RBFOX1: variants seen among roughly 807,000 people sequenced by gnomAD.
RBFOX1 encodes the protein RNA binding protein fox-1 homolog 1.
Under a neutral mutation model 57.7 loss-of-function variants are expected in RBFOX1, and 8 were observed. That is an observed-to-expected ratio of 0.14 (90% CI 0.08 to 0.25). RBFOX1 has a LOEUF of 0.25. Ranked by LOEUF, RBFOX1 falls within the 10% of genes least tolerant of loss-of-function variation. RBFOX1 has a pLI of 1.00. For synonymous variants in RBFOX1, 326 were observed against 222.4 expected (o/e 1.47, Z -4.15); for missense variants, 611 against 548.5 (o/e 1.11, Z -1.14).
At chr16:7,519,767 G>A (rs574025338) in intron 5 of RBFOX1, 3 of 959,372 alleles carry the variant, frequency 3.1e-6, no homozygotes, top group African/African-American at 3.5e-5. Context: ...GCAAGTATTT[G>A]TGAAGGAGTT....
intron 1 of RBFOX1, among the ~76,000 whole-genome samples, chr16:6,130,405 A>G (rs1010528999): frequency 3.9e-5 from 6 of 152,174 alleles, no homozygotes; most frequent in African/African-American, 1.2e-4. Flanking sequence ...TATAGCTTTA[A>G]AAATAAATGT....
intron 4 of RBFOX1, among the ~76,000 whole-genome samples, chr16:7,308,827 GA>G (rs1212433511): frequency 6.6e-6 from 1 of 152,194 alleles, no homozygotes; most frequent in African/African-American, 2.4e-5. Flanking sequence ...ATAAATTTTG[GA>G]AACATTAGGT....
At chr16:5,870,076 A>T (rs1282577946) in intron 4 of RBFOX1, among the ~76,000 whole-genome samples, 1 of 151,138 alleles carries the variant, frequency 6.6e-6, no homozygotes, top group Non-Finnish European at 1.5e-5. Context: ...GAACAAAAGA[A>T]TGTACCCTCC....
chr16:6,693,030 C>A (rs537695673), intron 3 of RBFOX1, among the ~76,000 whole-genome samples: 1 of 152,012 alleles, frequency 6.6e-6, no homozygotes, highest in South Asian at 2.1e-4. Context: ...TCAACATCAT[C>A]CCCATCCACT....
intron 3 of RBFOX1, among the ~76,000 whole-genome samples, chr16:6,894,067 A>G (rs888989374): frequency 7.9e-5 from 12 of 152,152 alleles, no homozygotes; most frequent in South Asian, 2.1e-4. Flanking sequence ...TACTGGATCA[A>G]TAGATAGATA....
chr16:5,308,374 G>T (rs547147671), intron 1 of RBFOX1, among the ~76,000 whole-genome samples: 1 of 150,996 alleles, frequency 6.6e-6, no homozygotes, highest in Non-Finnish European at 1.5e-5. Flanking sequence ...GCCTTTGTCC[G>T]CTCCCAAGAG....
intron 4 of RBFOX1, among the ~76,000 whole-genome samples, chr16:7,167,960 C>A (rs2079906432): frequency 6.6e-6 from 1 of 152,122 alleles, no homozygotes; most frequent in African/African-American, 2.4e-5. Flanking sequence ...TAGTGAGAGT[C>A]TGTCTTTAAC....
chr16:6,104,403 CA>C (rs1471297192), intron 1 of RBFOX1, among the ~76,000 whole-genome samples: 1 of 152,104 alleles, frequency 6.6e-6, no homozygotes, highest in African/African-American at 2.4e-5. Context: ...AGGTAATATT[CA>C]AAGTAGGTTT....
At chr16:7,003,694 C>T (rs539591825) in intron 3 of RBFOX1, among the ~76,000 whole-genome samples, 6 of 152,136 alleles carry the variant, frequency 3.9e-5, no homozygotes, top group Admixed American at 6.5e-5. Flanking sequence ...TTAGTTGATG[C>T]TGTAATTATT....
At chr16:6,158,360 G>C (rs1336838894) in intron 1 of RBFOX1, among the ~76,000 whole-genome samples, 2 of 152,182 alleles carry the variant, frequency 1.3e-5, no homozygotes, top group Non-Finnish European at 2.9e-5. Flanking sequence ...AAGTTCAGTG[G>C]GGTTCAGCTT....
At chr16:5,930,110 G>T (rs1246755927) in intron 4 of RBFOX1, among the ~76,000 whole-genome samples, 3 of 151,640 alleles carry the variant, frequency 2.0e-5, no homozygotes. Flanking sequence ...TGAATGGAAG[G>T]ATGGGAGACA....
chr16:5,400,361 G>C (rs2066680760), intron 1 of RBFOX1, among the ~76,000 whole-genome samples: 1 of 152,052 alleles, frequency 6.6e-6, no homozygotes, highest in African/African-American at 2.4e-5. Context: ...CCAAAGTGCT[G>C]GGGTTACAGG....
In RBFOX1 at chr16:6,824,658, T is replaced by C. The variant is rs116180662; in HGVS notation, c.-16+170008T>C. ...ATCCATTCCTTATCAAAAGAGGTTCTTGGATTCATCACTCACTACCTTGAA... is the reference window on the plus strand; with the variant it reads ...ATCCATTCCTTATCAAAAGAGGTTCCTGGATTCATCACTCACTACCTTGAA... On this transcript the variant is annotated intron_variant, in intron 3 of 15. Transcript: ENST00000550418. Among the ~76,000 whole-genome samples the C allele has an allele frequency of 2.5e-3, 388 of 152,326 alleles. 4 individuals carry two copies. The highest frequency in any genetic ancestry group is 8.9e-3 in the African/African-American group (371 of 41,580).
chr16:5,491,245 C>T (rs1197470219), intron 2 of RBFOX1, among the ~76,000 whole-genome samples: 3 of 152,164 alleles, frequency 2.0e-5, no homozygotes, highest in Non-Finnish European at 2.9e-5. Flanking sequence ...AGGACGCCAG[C>T]ACCCACTTGA....
intron 2 of RBFOX1, among the ~76,000 whole-genome samples, chr16:6,599,540 G>A (rs1222481187): frequency 6.6e-6 from 1 of 152,166 alleles, no homozygotes; most frequent in Non-Finnish European, 1.5e-5. Flanking sequence ...AGGAACTTCA[G>A]TTCTCAAGCC....
intron 1 of RBFOX1, among the ~76,000 whole-genome samples, chr16:6,244,052 A>G (rs1437652111): frequency 6.6e-6 from 1 of 152,116 alleles, no homozygotes; most frequent in Non-Finnish European, 1.5e-5. Flanking sequence ...GTCTTCTCTC[A>G]TTTAGGGAGT....
chr16:5,979,951 G>C (rs540979510), intron 4 of RBFOX1, among the ~76,000 whole-genome samples: 2 of 152,268 alleles, frequency 1.3e-5, no homozygotes, highest in African/African-American at 4.8e-5. Context: ...TGGCAGAGCT[G>C]GGATTTGAAC....
At chr16:6,452,389 T>C (rs2534764) in intron 2 of RBFOX1, among the ~76,000 whole-genome samples, 125,304 of 151,156 alleles carry the variant, frequency 0.83, 52,010 homozygotes, top group East Asian at 0.93. Context: ...CCATGTCTCT[T>C]TTCCTTCCAT....
intron 1 of RBFOX1, among the ~76,000 whole-genome samples, chr16:6,041,429 G>C (rs2095435150): frequency 6.6e-6 from 1 of 152,098 alleles, no homozygotes; most frequent in South Asian, 2.1e-4. Context: ...AGCATTCACT[G>C]GGCATCTATT....
Sources: gnomAD v4.1 joint callset for allele counts (sites outside exome capture counted in the v4.1 genomes callset) on GRCh38, gnomAD v4.1.1 for gene constraint, MANE v1.5 for transcripts, NCBI Gene and HGNC (gene_info 2026-07-23, HGNC 2026-07-21) for gene names.